NIBAN1: variants seen among roughly 807,000 people sequenced by gnomAD.
NIBAN1 encodes protein Niban 1.
A neutral mutation model predicts 75.1 loss-of-function variants in NIBAN1; 81 were observed. The ratio of observed to expected loss-of-function variants is 1.08; its 90% confidence interval spans 0.90 to 1.30. NIBAN1 has a LOEUF of 1.30. Among genes scored for constraint, NIBAN1 ranks in the 50% most tolerant of loss-of-function variants. The pLI, the probability that NIBAN1 is intolerant of heterozygous loss-of-function variation, is 0.00. For synonymous variants in NIBAN1, 436 were observed against 424.8 expected (o/e 1.03, Z -0.32); for missense variants, 1,133 against 1,128.1 (o/e 1.00, Z -0.06).
At chr1:184,963,039 T>G (rs1387249914) in intron 1 of NIBAN1, among the ~76,000 whole-genome samples, 14 of 152,174 alleles carry the variant, frequency 9.2e-5, no homozygotes, top group Admixed American at 2.0e-4. Context: ...TTTGTATGAC[T>G]TTTATTAATG....
At chr1:184,823,560 A>G in intron 7 of NIBAN1, 78 bp downstream of exon 7, 1 of 1,504,256 alleles carries the variant, frequency 6.6e-7, no homozygotes, top group Non-Finnish European at 9.2e-7. Context: ...CAACAACAAC[A>G]ACAAATGCCC....
chr1:184,909,966 T>C (rs1657198883), intron 1 of NIBAN1, among the ~76,000 whole-genome samples: 1 of 152,178 alleles, frequency 6.6e-6, no homozygotes, highest in African/African-American at 2.4e-5. Context: ...GCTCTAAAAA[T>C]AGAGGCCAAA....
chr1:184,923,958 G>GTTT (rs34375473), intron 1 of NIBAN1, among the ~76,000 whole-genome samples: 10 of 140,284 alleles, frequency 7.1e-5, no homozygotes, highest in African/African-American at 1.8e-4. Context: ...AGTTCTAATA[G>GTTT]TTTTTTTTTT....
chr1:184,894,659 C>A (rs907779614), intron 2 of NIBAN1, among the ~76,000 whole-genome samples: 5 of 152,188 alleles, frequency 3.3e-5, no homozygotes, highest in Admixed American at 2.6e-4. Flanking sequence ...TCCATTACAC[C>A]TGCCGATGCT....
rs756992922 is a variant in NIBAN1, at chr1:184,803,643, G to A, written c.1496C>T (p.Ala499Val). 26 of 1,614,178 alleles carry A rather than the reference G, an allele frequency of 1.6e-5. No homozygotes were observed. In the South Asian group the frequency reaches 2.7e-4, roughly 17 times the overall value. ...STIRKKIFQE[A>V]LVQITLPTVQ... Reference sequence around the variant, plus strand: ...AGTGGGAAGTGTGATTTGAACTAGTGCCTCTTGAAATATCTTCTTTCGGAT... The same window carrying A: ...AGTGGGAAGTGTGATTTGAACTAGTACCTCTTGAAATATCTTCTTTCGGAT... Residue 499 changes from alanine (A) to valine (V), a missense_variant, in exon 12 of 14, where the codon GCA becomes GTA. Ala to Val is a moderately conservative substitution (Grantham distance 64). Coordinates refer to ENST00000367511, the MANE Select transcript of NIBAN1 (RefSeq NM_052966.4).
At chr1:184,854,863 C>T (rs116605975) in intron 5 of NIBAN1, among the ~76,000 whole-genome samples, 11 of 152,240 alleles carry the variant, frequency 7.2e-5, no homozygotes, top group African/African-American at 2.6e-4. Flanking sequence ...ATCCATGGAA[C>T]TATTTGAAAG....
Position 184,890,160 on chromosome 1 carries a change from G to A in NIBAN1, c.381C>T (p.Thr127=). The change falls in exon 4 of 14, where the codon ACC becomes ACT. Residue 127 remains threonine (T), a synonymous_variant. Transcript: ENST00000367511. The stretch of plus-strand genomic sequence containing the variant: ...ACAACAGATTATATTCATCTTCTGA[G>A]GTTAACACCTTGCCACCGGCTGGAA... The part of the protein sequence containing the change: ...RILPAGGKVL[T]SEDEYNLLSD... 6.2e-7 allele frequency: 1 copy of A among 1,613,914 alleles called. No individual in the cohort carries two copies. Among genetic ancestry groups the A allele is most frequent in the Non-Finnish European group, 8.5e-7 (1 of 1,179,886 alleles).
chr1:184,949,531 T>A (rs1003968167), intron 1 of NIBAN1, among the ~76,000 whole-genome samples: 1 of 152,222 alleles, frequency 6.6e-6, no homozygotes, highest in African/African-American at 2.4e-5. Flanking sequence ...ACAAAGGAAC[T>A]GAGGCTCAGT....
chr1:184,818,133 GT>G lies in NIBAN1; in HGVS notation c.1173+504del, dbSNP rs959407413. On this transcript the variant is annotated intron_variant, in intron 9 of 13. Transcript: ENST00000367511. ...CTCCTTTAGATTTAATTTGGCTGAA[GT>G]TTTTTTTTTAATCAAATTTCATATC... Among the ~76,000 whole-genome samples, 304 of 148,776 alleles carry G rather than the reference GT, an allele frequency of 2.0e-3. 1 individual carries two copies. Among genetic ancestry groups the G allele is most frequent in the African/African-American group, 6.0e-3 (245 of 40,636 alleles).
intron 5 of NIBAN1, among the ~76,000 whole-genome samples, chr1:184,881,531 T>C (rs931666723): frequency 3.3e-5 from 5 of 152,124 alleles, no homozygotes; most frequent in Non-Finnish European, 7.3e-5. Context: ...GAGAGGGTTC[T>C]TGGATCTCGC....
At chr1:184,893,551 G>A (rs1656725284) in intron 3 of NIBAN1, among the ~76,000 whole-genome samples, 1 of 152,092 alleles carries the variant, frequency 6.6e-6, no homozygotes, top group Non-Finnish European at 1.5e-5. Context: ...AGTATGTGAG[G>A]CATTCTGAAT....
intron 1 of NIBAN1, among the ~76,000 whole-genome samples, chr1:184,922,629 T>C (rs192038369): frequency 6.6e-6 from 1 of 152,288 alleles, no homozygotes; most frequent in African/African-American, 2.4e-5. Context: ...TGTTTTGAGT[T>C]GGAGTCTCAC....
intron 5 of NIBAN1, among the ~76,000 whole-genome samples, chr1:184,874,353 C>T (rs558448912): frequency 3.0e-3 from 454 of 151,956 alleles, no homozygotes; most frequent in African/African-American, 0.01. Flanking sequence ...ACTAAATGCT[C>T]ATTTAACGAT....
chr1:184,830,163 T>C (rs1654957887), intron 6 of NIBAN1, among the ~76,000 whole-genome samples: 1 of 152,222 alleles, frequency 6.6e-6, no homozygotes. Flanking sequence ...AAAATTGAAA[T>C]AACAATAACT....
intron 1 of NIBAN1, among the ~76,000 whole-genome samples, chr1:184,912,482 T>A (rs1452377791): frequency 6.6e-6 from 1 of 151,982 alleles, no homozygotes; most frequent in East Asian, 1.9e-4. Context: ...AAGAGTTACC[T>A]CCTCCCACAT....
At position 184,792,446 on chromosome 1, in the gene NIBAN1, G is replaced by C. The variant is rs1389486955; in HGVS notation, c.*2531C>G. On this transcript the variant is annotated 3_prime_UTR_variant, in exon 14 of 14. Transcript: ENST00000367511. ...CTTTCCAGGGGGTGCAAGAAGCCCT[G>C]CATTGAGCAAAGAAAGGAAGCTAGG... 1 of 152,740 alleles carries C rather than the reference G, an allele frequency of 6.5e-6. No homozygotes were observed. Among genetic ancestry groups the C allele is most frequent in the Non-Finnish European group, 1.5e-5 (1 of 68,138 alleles). 9.5% of individuals were successfully genotyped at this position (152,740 alleles called of 1,614,324 possible).
intron 1 of NIBAN1, among the ~76,000 whole-genome samples, chr1:184,919,853 A>T (rs1216402067): frequency 6.6e-6 from 1 of 150,818 alleles, no homozygotes; most frequent in South Asian, 2.1e-4. Context: ...ACAAAAAAAA[A>T]TTGTTTTTAA....
intron 5 of NIBAN1, among the ~76,000 whole-genome samples, chr1:184,833,713 T>C (rs1215910083): frequency 6.6e-6 from 1 of 151,602 alleles, no homozygotes; most frequent in East Asian, 1.9e-4. Flanking sequence ...AAAAAATAAA[T>C]AGATAAATAA....
intron 1 of NIBAN1, among the ~76,000 whole-genome samples, chr1:184,900,699 G>C (rs77868708): frequency 0.022 from 3,416 of 152,266 alleles, 62 homozygotes; most frequent in Middle Eastern, 0.037. Flanking sequence ...AGAGGGGAAA[G>C]GGTGGGTGTA....
Sources: allele counts gnomAD v4.1 joint callset (sites outside exome capture counted in the v4.1 genomes callset), GRCh38; gene constraint gnomAD v4.1.1; transcripts MANE v1.5; gene names NCBI Gene and HGNC (gene_info 2026-07-23, HGNC 2026-07-21).